Variants in LRRC4C observed in about 807,000 individuals in gnomAD.
The protein encoded by LRRC4C is leucine-rich repeat-containing protein 4C.
In LRRC4C, 5 loss-of-function variants were observed where a neutral mutation model predicts 33.6. The observed-to-expected ratio is 0.15, with a 90% CI of 0.08 to 0.31. The LOEUF (loss-of-function observed/expected upper bound fraction) is 0.31. Among genes scored for constraint, LRRC4C ranks in the 10% least tolerant of loss-of-function variants. LRRC4C has a pLI of 1.00. For missense variants in LRRC4C, 560 were observed against 796.7 expected, an observed-to-expected ratio of 0.70 and a Z score of 3.58; for synonymous variants, 329 against 302.0, an observed-to-expected ratio of 1.09 and a Z score of -0.93.
chr11:41,074,430 G>A lies in LRRC4C; in HGVS notation c.-495-140707C>T, dbSNP rs1027877549. ...TTAGATTTTTCATATGAAAATAAAG[G>A]CTCCCAATTATTGCTCATCAGCATT... On this transcript the variant is annotated intron_variant, in intron 1 of 6. Coordinates refer to ENST00000528697, the MANE Select transcript of LRRC4C (RefSeq NM_001258419.2). Among the ~76,000 whole-genome samples, 3 of 152,162 alleles carry A rather than the reference G, an allele frequency of 2.0e-5. No individual in the cohort carries two copies. In the East Asian group the frequency reaches 5.8e-4, roughly 29 times the overall value.
chr11:41,266,744 T>A (rs1358586292), intron 1 of LRRC4C, among the ~76,000 whole-genome samples: 1 of 152,124 alleles, frequency 6.6e-6, no homozygotes, highest in Non-Finnish European at 1.5e-5. Context: ...AATGGTTGGC[T>A]TTTTTGGTGC....
chr11:40,914,679 T>C (rs1269750607), intron 2 of LRRC4C, among the ~76,000 whole-genome samples: 1 of 152,144 alleles, frequency 6.6e-6, no homozygotes, highest in Non-Finnish European at 1.5e-5. Context: ...TTCAACATAG[T>C]GTTGGAAGTT....
At chr11:40,488,702 AGTT>A (rs1340393847) in intron 3 of LRRC4C, among the ~76,000 whole-genome samples, 1 of 151,974 alleles carries the variant, frequency 6.6e-6, no homozygotes. Context: ...TATTCCTACG[AGTT>A]ATGGCTTAGA....
intron 1 of LRRC4C, among the ~76,000 whole-genome samples, chr11:41,390,042 C>A (rs1478087760): frequency 6.6e-6 from 1 of 151,816 alleles, no homozygotes; most frequent in Non-Finnish European, 1.5e-5. Flanking sequence ...TTATCCTGTT[C>A]TGAGTATGTC....
chr11:40,209,318 G>T (rs1280592555), intron 5 of LRRC4C, among the ~76,000 whole-genome samples: 1 of 152,044 alleles, frequency 6.6e-6, no homozygotes. Flanking sequence ...TCCTCTAGTA[G>T]ATTCTTCAAA....
chr11:40,149,897 G>T (rs1858047595), intron 5 of LRRC4C, among the ~76,000 whole-genome samples: 1 of 152,128 alleles, frequency 6.6e-6, no homozygotes, highest in African/African-American at 2.4e-5. Flanking sequence ...GGTGGTGAAA[G>T]TATTAGTTTC....
At chr11:41,301,401 G>T (rs1232272618) in intron 1 of LRRC4C, among the ~76,000 whole-genome samples, 1 of 152,048 alleles carries the variant, frequency 6.6e-6, no homozygotes, top group African/African-American at 2.4e-5. Context: ...AATTGATGGG[G>T]GTGGGAAAAA....
chr11:41,116,404 C>G (rs1942127068), intron 1 of LRRC4C, among the ~76,000 whole-genome samples: 1 of 152,044 alleles, frequency 6.6e-6, no homozygotes, highest in Non-Finnish European at 1.5e-5. Context: ...TATATTTAAT[C>G]AAATAACAAT....
chr11:41,380,005 C>T (rs947581075), intron 1 of LRRC4C, among the ~76,000 whole-genome samples: 1 of 151,922 alleles, frequency 6.6e-6, no homozygotes, highest in African/African-American at 2.4e-5. Flanking sequence ...CACTATTGTC[C>T]TCAGTGGTAA....
intron 1 of LRRC4C, among the ~76,000 whole-genome samples, chr11:41,240,880 A>T (rs1948224463): frequency 6.6e-6 from 1 of 152,136 alleles, no homozygotes; most frequent in Non-Finnish European, 1.5e-5. Context: ...ATAGAGCTTT[A>T]TTCTTTGTAG....
chr11:40,893,358 T>C (rs1955802778), intron 2 of LRRC4C, among the ~76,000 whole-genome samples: 1 of 152,042 alleles, frequency 6.6e-6, no homozygotes, highest in African/African-American at 2.4e-5. Flanking sequence ...TGTTGCACAT[T>C]TTAGAACTGA....
At chr11:40,302,997 A>G (rs376562051) in intron 4 of LRRC4C, among the ~76,000 whole-genome samples, 33 of 152,312 alleles carry the variant, frequency 2.2e-4, no homozygotes, top group African/African-American at 7.9e-4. Context: ...ATGAACCTCC[A>G]TATAACAGCC....
chr11:41,325,554 A>T (rs1176724141), intron 1 of LRRC4C, among the ~76,000 whole-genome samples: 8 of 111,418 alleles, frequency 7.2e-5, no homozygotes, highest in Admixed American at 2.1e-4. Context: ...AGGAAAAATT[A>T]TTGTCCTTAT....
intron 2 of LRRC4C, among the ~76,000 whole-genome samples, chr11:40,664,537 T>C (rs962650771): frequency 1.7e-5 from 2 of 116,606 alleles, no homozygotes; most frequent in Non-Finnish European, 4.0e-5. Flanking sequence ...AGAGCGAGAC[T>C]CTGTCTCAAA....
At chr11:41,361,309 C>T (rs1468558766) in intron 1 of LRRC4C, among the ~76,000 whole-genome samples, 1 of 152,198 alleles carries the variant, frequency 6.6e-6, no homozygotes, top group Non-Finnish European at 1.5e-5. Context: ...GACTATAACC[C>T]ATTCCATCAA....
At chr11:40,582,655 T>G (rs1427979485) in intron 3 of LRRC4C, among the ~76,000 whole-genome samples, 4 of 151,790 alleles carry the variant, frequency 2.6e-5, no homozygotes, top group African/African-American at 9.7e-5. Flanking sequence ...GAGCTGGGAT[T>G]ACAGGTACAC....
chr11:40,804,704 T>C (rs1312445957), intron 2 of LRRC4C, among the ~76,000 whole-genome samples: 1 of 152,218 alleles, frequency 6.6e-6, no homozygotes, highest in Non-Finnish European at 1.5e-5. Context: ...AGTTATTACT[T>C]TACTTCATCC....
intron 1 of LRRC4C, among the ~76,000 whole-genome samples, chr11:41,230,864 A>C (rs1947754461): frequency 2.1e-5 from 3 of 143,552 alleles, no homozygotes; most frequent in Admixed American, 1.5e-4. Context: ...CATCTGACAA[A>C]GGGCTAATAT....
intron 2 of LRRC4C, among the ~76,000 whole-genome samples, chr11:40,902,379 G>C (rs1156844088): frequency 6.6e-6 from 1 of 152,052 alleles, no homozygotes; most frequent in Non-Finnish European, 1.5e-5. Context: ...TCTCTCATCT[G>C]TCCTCCTCTT....
Sources: gnomAD v4.1 joint callset for allele counts (sites outside exome capture counted in the v4.1 genomes callset) on GRCh38, gnomAD v4.1.1 for gene constraint, MANE v1.5 for transcripts, NCBI Gene and HGNC (gene_info 2026-07-23, HGNC 2026-07-21) for gene names.